OPA3: variants seen among roughly 807,000 people sequenced by gnomAD.
The protein encoded by OPA3 is optic atrophy 3 protein.
Under a neutral mutation model 4.0 loss-of-function variants are expected in OPA3, and 6 were observed. That is an observed-to-expected ratio of 1.51 (90% CI 0.83 to 2.99). The LOEUF (loss-of-function observed/expected upper bound fraction) is 2.99. Ranked by LOEUF, OPA3 falls within the 30% of genes most tolerant of loss-of-function variation. OPA3 has a pLI of 0.00. For synonymous variants in OPA3, 105 were observed against 117.1 expected (o/e 0.90, Z 0.67); for missense variants, 235 against 256.2 (o/e 0.92, Z 0.56).
In OPA3 at chr19:45,553,268, A is replaced by G. The variant is rs949245155; in HGVS notation, c.*246T>C. 11 of 1,420,428 alleles carry G rather than the reference A, an allele frequency of 7.7e-6. No individual in the cohort carries two copies. In the African/African-American group the frequency reaches 1.0e-4, roughly 13 times the overall value. 88.0% of individuals were successfully genotyped at this position (1,420,428 alleles called of 1,614,324 possible). On this transcript the variant is annotated 3_prime_UTR_variant, in exon 2 of 2. Coordinates refer to ENST00000263275, the MANE Select transcript of OPA3 (RefSeq NM_025136.4). The stretch of plus-strand genomic sequence containing the variant: ...GGTGTCCTGCTGGCTGGGACCTTGC[A>G]GGTCGTCCTGGTTTGGAGTGGGGGA...
chr19:45,577,389 A>G (rs1323374063), intron 1 of OPA3, among the ~76,000 whole-genome samples: 2 of 152,216 alleles, frequency 1.3e-5, no homozygotes, highest in South Asian at 2.1e-4. Flanking sequence ...GGGAAATTCC[A>G]ATCACCATGG....
chr19:45,538,664 A>T (rs1031128810), intron 1 of OPA3, among the ~76,000 whole-genome samples: 27 of 151,994 alleles, frequency 1.8e-4, no homozygotes, highest in African/African-American at 6.5e-4. Context: ...CGGAGGTTGC[A>T]GTGAGCCAAA....
rs530530814 is a variant in OPA3, at chr19:45,550,337, C to T, written c.*3177G>A. On this transcript the variant is annotated 3_prime_UTR_variant, in exon 2 of 2. Transcript: ENST00000263275. ...ACTTTCACCTGCAGCTTCCCAAAAG[C>T]GGGCCCAGGTGGAATGGTCACCCAG... is the stretch of plus-strand genomic sequence containing the variant. 11 of 985,324 alleles carry T rather than the reference C, an allele frequency of 1.1e-5. No homozygotes were observed. Among genetic ancestry groups the T allele is most frequent in the African/African-American group, 8.7e-5 (5 of 57,198 alleles). 61.0% of individuals were successfully genotyped at this position (985,324 alleles called of 1,614,324 possible).
chr19:45,569,210 G>A (rs538965106), intron 1 of OPA3, among the ~76,000 whole-genome samples: 1 of 152,268 alleles, frequency 6.6e-6, no homozygotes, highest in South Asian at 2.1e-4. Context: ...TGTAATCCCA[G>A]CACTTTGGAA....
chr19:45,541,228 G>A (rs548811570), intron 1 of OPA3, among the ~76,000 whole-genome samples: 34 of 151,912 alleles, frequency 2.2e-4, no homozygotes, highest in African/African-American at 8.0e-4. Context: ...GCTGCCCCTC[G>A]GCATCACAGC....
chr19:45,537,927 A>G (rs1180034724), intron 1 of OPA3, among the ~76,000 whole-genome samples: 1 of 151,964 alleles, frequency 6.6e-6, no homozygotes. Flanking sequence ...TTCATAATAT[A>G]TATGTTTTCA....
intron 1 of OPA3, among the ~76,000 whole-genome samples, chr19:45,540,372 T>C (rs1969170909): frequency 6.6e-6 from 1 of 151,606 alleles, no homozygotes; most frequent in Non-Finnish European, 1.5e-5. Flanking sequence ...GTGAGTTTCA[T>C]GGTGTGTAGA....
intron 1 of OPA3, among the ~76,000 whole-genome samples, chr19:45,536,227 C>CA (rs35744947): frequency 6.6e-4 from 76 of 115,524 alleles, no homozygotes; most frequent in Non-Finnish European, 8.7e-4. Context: ...GACTCTATCT[C>CA]AAAAAAAAAA....
intron 1 of OPA3, among the ~76,000 whole-genome samples, chr19:45,555,529 C>T (rs1969407975): frequency 6.6e-6 from 1 of 151,430 alleles, no homozygotes; most frequent in African/African-American, 2.4e-5. Context: ...CACACTCTGT[C>T]GCCCAGGCTG....
At chr19:45,541,755 G>T (rs1040689473), downstream of OPA3, among the ~76,000 whole-genome samples, 3 of 152,076 alleles carry the variant, frequency 2.0e-5, no homozygotes, top group African/African-American at 7.2e-5. Context: ...TATAGAAACA[G>T]GGTCTCACTA....
intron 1 of OPA3, among the ~76,000 whole-genome samples, chr19:45,572,692 T>G (rs1969701250): frequency 7.3e-6 from 1 of 137,248 alleles, no homozygotes; most frequent in South Asian, 2.2e-4. Context: ...ATATATATCA[T>G]ACTATATATA....
exon 2 of OPA3, chr19:45,528,796 G>A: frequency 2.2e-6 from 1 of 448,972 alleles, no homozygotes; most frequent in Non-Finnish European, 3.9e-6. Context: ...AAATGCGCTG[G>A]CAGGGGCGGG....
rs750059099 is a variant in OPA3 at position 45,584,788 on chromosome 19, G to C, written c.-24C>G. ...ATCTTGGCGGTCTCACAGGGCACGC[G>C]CAACCTTGCTGACTGGGCGGGGCGC... On this transcript the variant is annotated 5_prime_UTR_variant, in exon 1 of 2. Coordinates refer to ENST00000263275, the MANE Select transcript of OPA3 (RefSeq NM_025136.4). 3.1e-6 allele frequency: 5 copies of C among 1,612,562 alleles called. No individual in the cohort carries two copies. The South Asian group carries it at 5.5e-5, about 18-fold the overall frequency.
At chr19:45,529,120 C>T (rs750612755) in exon 2 of OPA3, 23 of 1,606,746 alleles carry the variant, frequency 1.4e-5, no homozygotes, top group Admixed American at 3.3e-5. Context: ...GAGGTGGGCT[C>T]GCACCTCCTG....
At position 45,549,304 on chromosome 19, in the gene OPA3, CCT is replaced by C. The variant is rs968918387; in HGVS notation, c.*4208_*4209del. ...TCCACTTCCACACACTCTGGCCACC[CCT>C]GACGCCGCAGTGGGGGAAGTAGATG... On this transcript the variant is annotated 3_prime_UTR_variant, in exon 2 of 2. Coordinates refer to ENST00000263275, the MANE Select transcript of OPA3 (RefSeq NM_025136.4). 15 of 985,254 alleles carry C rather than the reference CCT, an allele frequency of 1.5e-5. No homozygotes were observed. The African/African-American group carries it at 1.9e-4, about 13-fold the overall frequency. 61.0% of individuals were successfully genotyped at this position (985,254 alleles called of 1,614,324 possible). A position where few individuals can be genotyped will look rare whatever the true frequency, so the allele number is the denominator to read the frequency against.
rs199590627 is a variant in OPA3 at position 45,584,771 on chromosome 19, G to C, written c.-7C>G. The stretch of plus-strand genomic sequence containing the variant: ...GGAACGCGCCCACCACCATCTTGGC[G>C]GTCTCACAGGGCACGCGCAACCTTG... On this transcript the variant is annotated 5_prime_UTR_variant, in exon 1 of 2. Coordinates refer to ENST00000263275, the MANE Select transcript of OPA3 (RefSeq NM_025136.4). 121 of 1,613,436 alleles carry C rather than the reference G, an allele frequency of 7.5e-5. No individual in the cohort carries two copies. The African/African-American group carries it at 1.4e-3, about 18-fold the overall frequency.
rs73568982 is a variant in OPA3, at chr19:45,550,476, C to A, written c.*3038G>T. The A allele has an allele frequency of 2.0e-6, 2 of 986,038 alleles. No homozygotes were observed. The highest frequency in any genetic ancestry group is 1.2e-6 in the Non-Finnish European group (1 of 830,558). The allele number at this position is 986,038 out of a possible 1,614,324, so 61.1% of individuals were successfully genotyped here. On this transcript the variant is annotated 3_prime_UTR_variant, in exon 2 of 2. Coordinates refer to ENST00000263275, the MANE Select transcript of OPA3 (RefSeq NM_025136.4). The stretch of plus-strand genomic sequence containing the variant: ...ATGGTCTGGGCCTCTGTGTAGAGAT[C>A]GTCACCCTCCCAGCCTCTGCTCAGC...
At chr19:45,561,019 C>A (rs1306557764) in intron 1 of OPA3, among the ~76,000 whole-genome samples, 3 of 152,256 alleles carry the variant, frequency 2.0e-5, no homozygotes, top group African/African-American at 7.2e-5. Flanking sequence ...TGGTGGGGGA[C>A]CGGGGCTCGG....
At position 45,584,771 on chromosome 19, in the gene OPA3, G is replaced by A. The variant is rs199590627; in HGVS notation, c.-7C>T. On this transcript the variant is annotated 5_prime_UTR_variant, in exon 1 of 2. Transcript: ENST00000263275. ...GGAACGCGCCCACCACCATCTTGGC[G>A]GTCTCACAGGGCACGCGCAACCTTG... The A allele has an allele frequency of 1.1e-5, 18 of 1,613,436 alleles. No individual in the cohort carries two copies. Among genetic ancestry groups the A allele is most frequent in the Non-Finnish European group, 1.4e-5 (17 of 1,180,004 alleles).
Sources: gnomAD v4.1 joint callset for allele counts (sites outside exome capture counted in the v4.1 genomes callset) on GRCh38, gnomAD v4.1.1 for gene constraint, MANE v1.5 for transcripts, NCBI Gene and HGNC (gene_info 2026-07-23, HGNC 2026-07-21) for gene names.